ADAM2: variants seen among roughly 807,000 people sequenced by gnomAD.
ADAM2 encodes disintegrin and metalloproteinase domain-containing protein 2.
Under a neutral mutation model 99.3 loss-of-function variants are expected in ADAM2, and 101 were observed. The observed-to-expected ratio is 1.02, with a 90% CI of 0.87 to 1.20. ADAM2 has a LOEUF of 1.20. Ranked by LOEUF, ADAM2 falls within the 50% of genes most tolerant of loss-of-function variation. The pLI is 0.00. For missense variants in ADAM2, 948 were observed against 878.7 expected, an observed-to-expected ratio of 1.08 and a Z score of -1.00; for synonymous variants, 323 against 287.6, an observed-to-expected ratio of 1.12 and a Z score of -1.25.
intron 7 of ADAM2, among the ~76,000 whole-genome samples, chr8:39,794,494 G>A (rs1428831560): frequency 6.6e-6 from 1 of 152,064 alleles, no homozygotes; most frequent in Non-Finnish European, 1.5e-5. Context: ...AAAGAAAGAA[G>A]AAGTAAAAAC....
chr8:39,778,066 A>G (rs1167406650), intron 10 of ADAM2, among the ~76,000 whole-genome samples: 2 of 148,438 alleles, frequency 1.3e-5, no homozygotes, highest in Non-Finnish European at 3.0e-5. Context: ...TAAATTATAA[A>G]CATATAATTT....
chr8:39,748,068 T>C (rs1823547958), intron 18 of ADAM2, among the ~76,000 whole-genome samples: 1 of 152,190 alleles, frequency 6.6e-6, no homozygotes, highest in African/African-American at 2.4e-5. Flanking sequence ...ATTTTGTTGG[T>C]TATGAATTTG....
At chr8:39,790,379 T>C (rs1803656137) in intron 7 of ADAM2, among the ~76,000 whole-genome samples, 1 of 151,964 alleles carries the variant, frequency 6.6e-6, no homozygotes, top group Non-Finnish European at 1.5e-5. Flanking sequence ...CCATAACATG[T>C]ATAAACCTGA....
rs572219714 is a variant in ADAM2 at position 39,771,001 on chromosome 8, A to G, written c.1029-1426T>C. On this transcript the variant is annotated intron_variant, in intron 11 of 20. Coordinates refer to ENST00000265708, the MANE Select transcript of ADAM2 (RefSeq NM_001464.5). Reference sequence around the variant, plus strand: ...ACTCAATCAATTATGTTTCCTAAAAAAGTGGCAATTTCATATTACTTCCAT... The same window carrying G: ...ACTCAATCAATTATGTTTCCTAAAAGAGTGGCAATTTCATATTACTTCCAT... 3.3e-5 allele frequency among the ~76,000 whole-genome samples: 5 copies of G among 152,342 alleles called. No individual in the cohort carries two copies. The East Asian group carries it at 7.7e-4, about 23-fold the overall frequency.
chr8:39,784,296 AT>A (rs1440562956), intron 10 of ADAM2, among the ~76,000 whole-genome samples: 1 of 152,158 alleles, frequency 6.6e-6, no homozygotes, highest in Non-Finnish European at 1.5e-5. Context: ...TAAAGAGACC[AT>A]TTTTCTCTGC....
At chr8:39,785,073 T>G (rs1397823211) in intron 10 of ADAM2, among the ~76,000 whole-genome samples, 1 of 152,228 alleles carries the variant, frequency 6.6e-6, no homozygotes, top group African/African-American at 2.4e-5. Context: ...ACTTGTAAAT[T>G]TTTGCTTTTG....
Position 39,823,237 on chromosome 8 carries a change from G to A in ADAM2, c.268-1575C>T, listed in dbSNP as rs116140992. Reference sequence around the variant, plus strand: ...GGATGCAGGGAACAAACTCTTTCCTGGTTTAGCTGGCTGATTTTTTTTCTT... The same window carrying A: ...GGATGCAGGGAACAAACTCTTTCCTAGTTTAGCTGGCTGATTTTTTTTCTT... On this transcript the variant is annotated intron_variant, in intron 4 of 20. Transcript: ENST00000265708. 4.7e-3 allele frequency among the ~76,000 whole-genome samples: 712 copies of A among 152,154 alleles called. 9 individuals carry two copies. Among genetic ancestry groups the A allele is most frequent in the African/African-American group, 0.016 (670 of 41,506 alleles).
At chr8:39,837,326 A>T in intron 1 of ADAM2, 114 bp from the exon 2 acceptor site, 15 of 586,380 alleles carry the variant, frequency 2.6e-5, no homozygotes, top group South Asian at 6.4e-5. Flanking sequence ...TCTCATTTTT[A>T]TTATCTTCCC....
chr8:39,763,882 A>G (rs561173395), intron 14 of ADAM2, among the ~76,000 whole-genome samples: 7 of 148,024 alleles, frequency 4.7e-5, no homozygotes, highest in African/African-American at 1.9e-4. Flanking sequence ...TGAGGCAAAC[A>G]AGAGCTCACT....
intron 11 of ADAM2, among the ~76,000 whole-genome samples, chr8:39,771,251 A>G (rs1170810355): frequency 1.3e-5 from 2 of 152,202 alleles, no homozygotes; most frequent in Admixed American, 1.3e-4. Flanking sequence ...ATGTCTATAC[A>G]AAATTTATGC....
intron 3 of ADAM2, among the ~76,000 whole-genome samples, chr8:39,832,078 T>A (rs1805640987): frequency 6.6e-6 from 1 of 152,168 alleles, no homozygotes; most frequent in Non-Finnish European, 1.5e-5. Context: ...AAGTACTCAT[T>A]GGCTTGGTGT....
chr8:39,787,443 G>A (rs914432493), intron 9 of ADAM2, among the ~76,000 whole-genome samples: 2 of 151,274 alleles, frequency 1.3e-5, no homozygotes, highest in Admixed American at 6.6e-5. Flanking sequence ...GACAAAATTA[G>A]CCTTCTAGAG....
intron 6 of ADAM2, among the ~76,000 whole-genome samples, chr8:39,813,464 T>G (rs1004411335): frequency 4.6e-5 from 7 of 152,194 alleles, no homozygotes; most frequent in Non-Finnish European, 1.0e-4. Context: ...TAAGGACACA[T>G]GCACACGTAT....
At chr8:39,746,450 C>A in intron 19 of ADAM2, 22 bp downstream of exon 19, 1 of 1,464,522 alleles carries the variant, frequency 6.8e-7, no homozygotes. Flanking sequence ...AATAACAAAT[C>A]TTAAATATGA....
intron 6 of ADAM2, among the ~76,000 whole-genome samples, chr8:39,810,205 T>G (rs577185853): frequency 1.3e-5 from 2 of 152,162 alleles, no homozygotes; most frequent in East Asian, 3.9e-4. Context: ...TACATAATGG[T>G]AAAGTGATCA....
At chr8:39,772,120 A>G (rs1039376717) in intron 11 of ADAM2, among the ~76,000 whole-genome samples, 6 of 151,624 alleles carry the variant, frequency 4.0e-5, no homozygotes, top group South Asian at 2.1e-4. Context: ...AAAAAAAAAA[A>G]AAAAGAAAAG....
At chr8:39,778,303 C>T (rs532884610) in intron 10 of ADAM2, among the ~76,000 whole-genome samples, 3 of 152,032 alleles carry the variant, frequency 2.0e-5, no homozygotes, top group African/African-American at 7.2e-5. Flanking sequence ...TGCCCTCCAC[C>T]CCAAAAAGAT....
intron 7 of ADAM2, among the ~76,000 whole-genome samples, chr8:39,798,732 A>C (rs1804078974): frequency 6.6e-6 from 1 of 152,140 alleles, no homozygotes; most frequent in South Asian, 2.1e-4. Flanking sequence ...TTATTGGTCT[A>C]TTCAGAGACT....
intron 8 of ADAM2, 116 bp from the exon 9 acceptor site, chr8:39,788,367 T>A (rs1803565194): frequency 7.9e-6 from 5 of 633,586 alleles, no homozygotes; most frequent in Non-Finnish European, 1.2e-5. Context: ...TAAGTCTGCA[T>A]TTCATCTTTT....
Sources: gnomAD v4.1 joint callset for allele counts (sites outside exome capture counted in the v4.1 genomes callset) on GRCh38, gnomAD v4.1.1 for gene constraint, MANE v1.5 for transcripts, NCBI Gene and HGNC (gene_info 2026-07-23, HGNC 2026-07-21) for gene names.